NRXN3: variants seen among roughly 807,000 people sequenced by gnomAD.
NRXN3 encodes neurexin 3.
In NRXN3, 32 loss-of-function variants were observed where a neutral mutation model predicts 137.6. That is an observed-to-expected ratio of 0.23 (90% CI 0.18 to 0.31). The LOEUF is 0.31. Among genes scored for constraint, NRXN3 ranks in the 10% least tolerant of loss-of-function variants. NRXN3 has a pLI of 1.00. For synonymous variants in NRXN3, 798 were observed against 784.5 expected, an observed-to-expected ratio of 1.02 and a Z score of -0.29; for missense variants, 1,574 against 2,062.5, an observed-to-expected ratio of 0.76 and a Z score of 4.59.
In NRXN3 at chr14:78,471,286, C is replaced by T. The variant is rs1002144354; in HGVS notation, c.757+173426C>T. Among the ~76,000 whole-genome samples, 5 of 125,374 alleles carry T rather than the reference C, an allele frequency of 4.0e-5. No individual in the cohort carries two copies. In the South Asian group the frequency reaches 1.5e-3, roughly 37 times the overall value. 82.3% of individuals were successfully genotyped at this position (125,374 alleles called of 152,430 possible). A position where few individuals can be genotyped will look rare whatever the true frequency, so the allele number is the denominator to read the frequency against. The stretch of plus-strand genomic sequence containing the variant: ...TTTCTTCCCTTTCTTCTCTTCAACA[C>T]ACTCAACACACACACACACACACAC... On this transcript the variant is annotated intron_variant, in intron 4 of 20. Transcript: ENST00000335750.
At chr14:79,370,749 A>G (rs1027292571) in intron 15 of NRXN3, among the ~76,000 whole-genome samples, 1 of 152,178 alleles carries the variant, frequency 6.6e-6, no homozygotes, top group African/African-American at 2.4e-5. Flanking sequence ...TCTTTTTCTA[A>G]TAAACTTTCT....
At chr14:79,750,464 T>C (rs953775465) in intron 19 of NRXN3, among the ~76,000 whole-genome samples, 4 of 152,186 alleles carry the variant, frequency 2.6e-5, no homozygotes, top group Non-Finnish European at 5.9e-5. Context: ...CTTTTTGCCC[T>C]TGTCCCATTT....
chr14:79,864,153 T>G lies in NRXN3; in HGVS notation c.*2189T>G, dbSNP rs992629687. On this transcript the variant is annotated 3_prime_UTR_variant, in exon 21 of 21. Coordinates refer to ENST00000335750, the MANE Select transcript of NRXN3 (RefSeq NM_001330195.2). The stretch of plus-strand genomic sequence containing the variant: ...CTTGGAGTCTTGAGGTCTTGTGAAT[T>G]GATTTCCTGCTTTCTTTCATTTTTT... The G allele has an allele frequency of 1.3e-5, 2 of 152,626 alleles. No homozygotes were observed. The highest frequency in any genetic ancestry group is 4.8e-5 in the African/African-American group (2 of 41,456). The allele number at this position is 152,626 out of a possible 1,614,324, so 9.5% of individuals were successfully genotyped here. A position where few individuals can be genotyped will look rare whatever the true frequency, so the allele number is the denominator to read the frequency against.
intron 7 of NRXN3, among the ~76,000 whole-genome samples, chr14:78,711,503 G>A (rs563077880): frequency 1.9e-4 from 27 of 140,126 alleles, no homozygotes; most frequent in African/African-American, 6.1e-4. Context: ...GTGCAATGGC[G>A]CAGTCTCGGC....
At chr14:78,653,614 T>G (rs979830033) in intron 6 of NRXN3, among the ~76,000 whole-genome samples, 2 of 151,974 alleles carry the variant, frequency 1.3e-5, no homozygotes, top group African/African-American at 2.4e-5. Context: ...TATCTATTAA[T>G]CAGGAAGGAT....
At chr14:79,587,661 CTG>C (rs2097773174) in intron 16 of NRXN3, among the ~76,000 whole-genome samples, 1 of 152,290 alleles carries the variant, frequency 6.6e-6, no homozygotes, top group East Asian at 1.9e-4. Context: ...GGTAGAAATG[CTG>C]TGTGTGTAAA....
rs1262063387 is a variant in NRXN3, at chr14:79,127,850, C to A, written c.3262+139709C>A. On this transcript the variant is annotated intron_variant, in intron 15 of 20. Transcript: ENST00000335750. Reference sequence around the variant, plus strand: ...ATTTGTTTGTATCCTCTTTTATTTCCTTGAGCAGTGGTTTGTAGTTCTCCT... The same window carrying A: ...ATTTGTTTGTATCCTCTTTTATTTCATTGAGCAGTGGTTTGTAGTTCTCCT... 5.9e-5 allele frequency among the ~76,000 whole-genome samples: 9 copies of A among 151,826 alleles called. No homozygotes were observed. The East Asian group carries it at 9.7e-4, about 16-fold the overall frequency.
intron 7 of NRXN3, among the ~76,000 whole-genome samples, chr14:78,712,944 T>G (rs1472101973): frequency 1.3e-5 from 2 of 152,210 alleles, no homozygotes; most frequent in African/African-American, 4.8e-5. Flanking sequence ...CCTTCATAAC[T>G]GAAGAAACTG....
At chr14:78,475,390 G>A (rs2095361490) in intron 4 of NRXN3, among the ~76,000 whole-genome samples, 1 of 152,156 alleles carries the variant, frequency 6.6e-6, no homozygotes, top group Non-Finnish European at 1.5e-5. Context: ...AATTCTGCCT[G>A]GTTGGGAATT....
chr14:79,680,598 A>C (rs2154012172), intron 17 of NRXN3, among the ~76,000 whole-genome samples: 1 of 152,190 alleles, frequency 6.6e-6, no homozygotes, highest in South Asian at 2.1e-4. Context: ...CCAGTATTCA[A>C]AGGGTATTCA....
chr14:79,724,462 C>A (rs756516398), intron 19 of NRXN3, among the ~76,000 whole-genome samples: 7 of 152,096 alleles, frequency 4.6e-5, no homozygotes, highest in Non-Finnish European at 1.0e-4. Context: ...ACAAAGGAGA[C>A]TTTGCCTATG....
intron 15 of NRXN3, among the ~76,000 whole-genome samples, chr14:79,138,056 GA>G (rs1317892224): frequency 6.6e-6 from 1 of 152,054 alleles, no homozygotes; most frequent in African/African-American, 2.4e-5. Context: ...CAAATACTTT[GA>G]AAAAAACAAT....
rs946657968 is a variant in NRXN3 at position 79,867,607 on chromosome 14, T to C, written c.*5643T>C. On this transcript the variant is annotated 3_prime_UTR_variant, in exon 21 of 21. Transcript: ENST00000335750. Reference sequence around the variant, plus strand: ...ACACTACCTCCCAATACAGTCATGTTTGGGGTTGGGACTTCAACATATGAA... The same window carrying C: ...ACACTACCTCCCAATACAGTCATGTCTGGGGTTGGGACTTCAACATATGAA... The C allele has an allele frequency of 4.6e-5, 7 of 152,190 alleles. No homozygotes were observed. Among genetic ancestry groups the C allele is most frequent in the Non-Finnish European group, 8.8e-5 (6 of 68,054 alleles). The allele number at this position is 152,190 out of a possible 1,614,324, so 9.4% of individuals were successfully genotyped here.
In NRXN3 at chr14:79,352,813, A is replaced by T. The variant is rs184747583; in HGVS notation, c.3263-114408A>T. The stretch of plus-strand genomic sequence containing the variant: ...CATTTTACAAATGAAGTAACTAAGG[A>T]TGAGAGTGCAGTTAACAATTTACCC... On this transcript the variant is annotated intron_variant, in intron 15 of 20. Transcript: ENST00000335750. Among the ~76,000 whole-genome samples, 434 of 152,242 alleles carry T rather than the reference A, an allele frequency of 2.9e-3. 1 individual carries two copies. The highest frequency in any genetic ancestry group is 4.1e-3 in the Non-Finnish European group (281 of 67,960).
chr14:78,268,403 C>A (rs564455110), intron 2 of NRXN3, among the ~76,000 whole-genome samples: 3 of 152,036 alleles, frequency 2.0e-5, no homozygotes, highest in African/African-American at 7.3e-5. Flanking sequence ...AAATATGGCT[C>A]CTGAGATCCC....
intron 4 of NRXN3, among the ~76,000 whole-genome samples, chr14:78,385,597 GTGAT>G (rs1455458904): frequency 3.3e-5 from 5 of 152,150 alleles, no homozygotes; most frequent in Non-Finnish European, 7.4e-5. Context: ...CAGAAGGCCA[GTGAT>G]TGGGAAATAT....
intron 15 of NRXN3, among the ~76,000 whole-genome samples, chr14:79,454,225 A>C (rs2096224608): frequency 6.6e-6 from 1 of 152,098 alleles, no homozygotes; most frequent in Admixed American, 6.5e-5. Context: ...CTGGGACTAC[A>C]GGTGCATGCC....
At chr14:78,449,618 C>T (rs1316198080) in intron 4 of NRXN3, among the ~76,000 whole-genome samples, 1 of 152,142 alleles carries the variant, frequency 6.6e-6, no homozygotes, top group African/African-American at 2.4e-5. Context: ...TATCACGCAC[C>T]ATTTAATTTG....
chr14:79,594,155 G>A (rs908322879), intron 16 of NRXN3, among the ~76,000 whole-genome samples: 1 of 152,148 alleles, frequency 6.6e-6, no homozygotes, highest in African/African-American at 2.4e-5. Flanking sequence ...TTGTTGAAAA[G>A]TGAAACATCC....
Sources: allele counts gnomAD v4.1 joint callset (sites outside exome capture counted in the v4.1 genomes callset), GRCh38; gene constraint gnomAD v4.1.1; transcripts MANE v1.5; gene names NCBI Gene and HGNC (gene_info 2026-07-23, HGNC 2026-07-21).